The following LASP1 variants were observed in gnomAD, a reference collection of about 807,000 sequenced individuals.
The protein encoded by LASP1 is LIM and SH3 domain protein 1.
A neutral mutation model predicts 38.6 loss-of-function variants in LASP1; 10 were observed. The ratio of observed to expected loss-of-function variants is 0.26; its 90% CI spans 0.16 to 0.44. The LOEUF is 0.44. Among genes scored for constraint, LASP1 ranks in the 20% least tolerant of loss-of-function variants. LASP1 has a pLI of 1.00. For synonymous variants in LASP1, 132 were observed against 140.8 expected (o/e 0.94, Z 0.44); for missense variants, 243 against 375.7 (o/e 0.65, Z 2.92).
chr17:38,884,061 G>C (rs1292453281), intron 2 of LASP1, among the ~76,000 whole-genome samples: 1 of 151,372 alleles, frequency 6.6e-6, no homozygotes, highest in Non-Finnish European at 1.5e-5. Flanking sequence ...AAAGCTCCTT[G>C]TTGCTTTTGT....
chr17:38,907,088 T>G (rs1914795364), intron 4 of LASP1, among the ~76,000 whole-genome samples: 2 of 152,198 alleles, frequency 1.3e-5, no homozygotes, highest in South Asian at 4.1e-4. Flanking sequence ...CCCCCTCATG[T>G]GCCTATTTGC....
At chr17:38,906,270 G>C (rs1421038713) in intron 4 of LASP1, among the ~76,000 whole-genome samples, 1 of 152,014 alleles carries the variant, frequency 6.6e-6, no homozygotes, top group Non-Finnish European at 1.5e-5. Context: ...GCTCAGGCCT[G>C]TAATCCCAGC....
intron 3 of LASP1, among the ~76,000 whole-genome samples, chr17:38,890,904 C>T (rs1303757449): frequency 6.6e-6 from 1 of 152,192 alleles, no homozygotes; most frequent in East Asian, 1.9e-4. Context: ...TCTATAGCCG[C>T]GTCCCAAACC....
chr17:38,901,651 G>T (rs956374122), intron 4 of LASP1, among the ~76,000 whole-genome samples: 2 of 152,192 alleles, frequency 1.3e-5, no homozygotes, highest in African/African-American at 4.8e-5. Context: ...CTGGGTTTCT[G>T]TGGTGCTCTC....
chr17:38,871,134 A>C (rs946065535), intron 1 of LASP1, among the ~76,000 whole-genome samples: 1 of 23,026 alleles, frequency 4.3e-5, no homozygotes, highest in Non-Finnish European at 8.6e-5. Context: ...AGCCGAGGAA[A>C]GGGGGAGGTA....
At chr17:38,896,564 C>T (rs997175947) in intron 3 of LASP1, among the ~76,000 whole-genome samples, 1 of 152,256 alleles carries the variant, frequency 6.6e-6, no homozygotes, top group Non-Finnish European at 1.5e-5. Context: ...GATTAGGGGC[C>T]TGACCCTTGC....
At chr17:38,914,940 T>G in intron 5 of LASP1, 103 bp from the exon 6 acceptor site, 1 of 1,032,240 alleles carries the variant, frequency 9.7e-7, no homozygotes, top group Non-Finnish European at 1.5e-6. Context: ...TTGAGCCAGG[T>G]TGGGGGCGGG....
intron 1 of LASP1, among the ~76,000 whole-genome samples, chr17:38,871,747 T>C (rs981201408): frequency 2.0e-5 from 3 of 152,066 alleles, no homozygotes; most frequent in Non-Finnish European, 2.9e-5. Context: ...GGGCCGCTGC[T>C]GTGTCACTGT....
At chr17:38,900,969 T>G (rs1914625551) in intron 4 of LASP1, among the ~76,000 whole-genome samples, 1 of 152,088 alleles carries the variant, frequency 6.6e-6, no homozygotes, top group Non-Finnish European at 1.5e-5. Flanking sequence ...GCTTGGAAAG[T>G]GGGGGAGGGG....
chr17:38,912,144 T>G (rs145250715), intron 4 of LASP1, among the ~76,000 whole-genome samples: 5 of 152,336 alleles, frequency 3.3e-5, no homozygotes, highest in South Asian at 4.1e-4. Context: ...AAGAACTACA[T>G]ATATCAGGCC....
intron 4 of LASP1, chr17:38,899,142 G>A (rs1418524023): frequency 2.9e-5 from 7 of 237,950 alleles, no homozygotes; most frequent in South Asian, 2.1e-4. Flanking sequence ...TGTGGCCAGA[G>A]AACAGGCCTC....
intron 2 of LASP1, among the ~76,000 whole-genome samples, chr17:38,880,865 G>A (rs1475637613): frequency 6.6e-6 from 1 of 151,944 alleles, no homozygotes; most frequent in Non-Finnish European, 1.5e-5. Context: ...CAGCACTTTG[G>A]GAGGCTGAAG....
In LASP1 at chr17:38,920,616, A is replaced by G. The variant is rs574696153; in HGVS notation, c.*1838A>G. 1.7e-5 allele frequency: 4 copies of G among 234,178 alleles called. No homozygotes were observed. The highest frequency in any genetic ancestry group is 2.5e-5 in the Non-Finnish European group (3 of 118,400). 14.5% of individuals were successfully genotyped at this position (234,178 alleles called of 1,614,324 possible). ...GTATTGGCCTGTTCAACAATCAGTC[A>G]TCATGGGTGTTTTTGTCAACTGCTT... On this transcript the variant is annotated 3_prime_UTR_variant, in exon 7 of 7. Coordinates refer to ENST00000318008, the MANE Select transcript of LASP1 (RefSeq NM_006148.4).
At chr17:38,876,738 C>CT (rs1172227288) in intron 1 of LASP1, among the ~76,000 whole-genome samples, 1,884 of 140,842 alleles carry the variant, frequency 0.013, 33 homozygotes, top group African/African-American at 0.044. Context: ...CCCACATTCT[C>CT]TTTTTTTTTT....
chr17:38,882,596 GAGAGAGATATTTA>G (rs1490748658), intron 2 of LASP1, among the ~76,000 whole-genome samples: 1 of 152,204 alleles, frequency 6.6e-6, no homozygotes, highest in Non-Finnish European at 1.5e-5. Context: ...TGCTCTTGGT[GAGAGAGATATTTA>G]AGAGAGATAT....
intron 4 of LASP1, among the ~76,000 whole-genome samples, chr17:38,912,995 C>G (rs1915000068): frequency 6.6e-6 from 1 of 152,152 alleles, no homozygotes; most frequent in African/African-American, 2.4e-5. Flanking sequence ...ACCATAGCAC[C>G]CAAGGGGTCT....
intron 1 of LASP1, among the ~76,000 whole-genome samples, chr17:38,876,901 C>T (rs528687681): frequency 9.9e-5 from 15 of 152,266 alleles, no homozygotes; most frequent in East Asian, 5.8e-4. Context: ...GATGGGGTTT[C>T]ACCATGTTAG....
intron 2 of LASP1, among the ~76,000 whole-genome samples, chr17:38,885,729 C>T (rs1401806414): frequency 1.3e-5 from 2 of 152,184 alleles, no homozygotes; most frequent in Non-Finnish European, 2.9e-5. Context: ...GGCCCCTGGT[C>T]TGTCTTAGCA....
At position 38,920,609 on chromosome 17, in the gene LASP1, A is replaced by G. The variant is rs1223507222; in HGVS notation, c.*1831A>G. 4 of 234,700 alleles carry G rather than the reference A, an allele frequency of 1.7e-5. No homozygotes were observed. Among genetic ancestry groups the G allele is most frequent in the Admixed American group, 5.5e-5 (1 of 18,164 alleles). The allele number at this position is 234,700 out of a possible 1,614,324, so 14.5% of individuals were successfully genotyped here. On this transcript the variant is annotated 3_prime_UTR_variant, in exon 7 of 7. Coordinates refer to ENST00000318008, the MANE Select transcript of LASP1 (RefSeq NM_006148.4). ...CCTGAAGGTATTGGCCTGTTCAACA[A>G]TCAGTCATCATGGGTGTTTTTGTCA...
Sources: gnomAD v4.1 joint callset for allele counts (sites outside exome capture counted in the v4.1 genomes callset) on GRCh38, gnomAD v4.1.1 for gene constraint, MANE v1.5 for transcripts, NCBI Gene and HGNC (gene_info 2026-07-23, HGNC 2026-07-21) for gene names.